RANBP17: variants seen among roughly 807,000 people sequenced by gnomAD.
RANBP17 encodes ran-binding protein 17.
In RANBP17, 158 loss-of-function variants were observed where a neutral mutation model predicts 141.2. The ratio of observed to expected loss-of-function variants is 1.12; its 90% CI spans 0.98 to 1.28. RANBP17 has a LOEUF of 1.28. Ranked by LOEUF, RANBP17 falls within the 50% of genes most tolerant of loss-of-function variation. The probability of loss-of-function intolerance (pLI) is 0.00; values close to 1 mark genes in which losing one functional copy is unlikely to be tolerated. For synonymous variants in RANBP17, 430 were observed against 450.0 expected (o/e 0.96, Z 0.56); for missense variants, 1,438 against 1,290.7 (o/e 1.11, Z -1.75).
chr5:171,114,007 G>A (rs1015237029), intron 14 of RANBP17, among the ~76,000 whole-genome samples: 1 of 151,934 alleles, frequency 6.6e-6, no homozygotes, highest in Non-Finnish European at 1.5e-5. Flanking sequence ...TCACAAAAAT[G>A]TATTATTTAT....
chr5:171,253,023 T>TTTCTTC (rs1561802960), intron 24 of RANBP17: 2 of 1,096,920 alleles, frequency 1.8e-6, no homozygotes, highest in Non-Finnish European at 2.8e-6. Flanking sequence ...TTCTGCCGCA[T>TTTCTTC]TTCTTCTCTG....
rs560061819 is a variant in RANBP17, at chr5:170,937,726, T to G, written c.1468+13176T>G. 2.6e-4 allele frequency among the ~76,000 whole-genome samples: 39 copies of G among 152,344 alleles called. 1 individual carries two copies. Among genetic ancestry groups the G allele is most frequent in the Admixed American group, 1.0e-3 (16 of 15,306 alleles). Reference sequence around the variant, plus strand: ...GTTGTAGTGCTGTTTTTGTTTTGACTGATGACACATGACAATCTTTTGTCA... The same window carrying G: ...GTTGTAGTGCTGTTTTTGTTTTGACGGATGACACATGACAATCTTTTGTCA... On this transcript the variant is annotated intron_variant, in intron 12 of 27. Coordinates refer to ENST00000523189, the MANE Select transcript of RANBP17 (RefSeq NM_022897.5).
intron 14 of RANBP17, among the ~76,000 whole-genome samples, chr5:171,025,504 A>G (rs1446852573): frequency 2.0e-5 from 3 of 150,254 alleles, no homozygotes; most frequent in African/African-American, 7.3e-5. Context: ...TGTTTTCTCT[A>G]GGCAGCCTTC....
rs148543415 is a variant in RANBP17, at chr5:171,170,173, A to G, written c.1754A>G (p.Asn585Ser). The G allele has an allele frequency of 1.9e-6, 3 of 1,585,262 alleles. No individual in the cohort carries two copies. In the African/African-American group the frequency reaches 4.1e-5, roughly 21 times the overall value. Residue 585 changes from asparagine to serine, a missense_variant, in exon 15 of 28, where the codon AAC becomes AGC. Asn to Ser is a conservative substitution (Grantham distance 46). Transcript: ENST00000523189. ...MSEVLGITDD[N>S]HVLETFMTKI... is the part of the protein sequence containing the mutation. Reference sequence around the variant, plus strand: ...GAAGTCTTAGGAATAACAGATGACAACCACGTTCTAGAGACGTTCATGACA... The same window carrying G: ...GAAGTCTTAGGAATAACAGATGACAGCCACGTTCTAGAGACGTTCATGACA...
chr5:170,909,991 T>C (rs1771403495), intron 6 of RANBP17: 1 of 334,284 alleles, frequency 3.0e-6, no homozygotes, highest in Non-Finnish European at 5.4e-6. Flanking sequence ...TAATAACTTA[T>C]CTTCAGGTAG....
chr5:171,260,491 A>G (rs1172439041), intron 24 of RANBP17, among the ~76,000 whole-genome samples: 4 of 151,392 alleles, frequency 2.6e-5, no homozygotes, highest in African/African-American at 9.7e-5. Flanking sequence ...GAGATAGATA[A>G]CAGAGACGAA....
intron 18 of RANBP17, among the ~76,000 whole-genome samples, chr5:171,186,597 T>G (rs376101654): frequency 7.8e-5 from 9 of 115,564 alleles, no homozygotes; most frequent in Non-Finnish European, 1.3e-4. Flanking sequence ...AGTGCAGTGG[T>G]GCGATCTCGG....
chr5:171,030,505 A>C (rs2127617375), intron 14 of RANBP17, among the ~76,000 whole-genome samples: 1 of 152,130 alleles, frequency 6.6e-6, no homozygotes, highest in African/African-American at 2.4e-5. Context: ...CTTGAACAGA[A>C]AAGCCATTTA....
chr5:170,869,359 A>G (rs76254265), intron 1 of RANBP17, among the ~76,000 whole-genome samples: 5,935 of 125,134 alleles, frequency 0.047, 256 homozygotes, highest in African/African-American at 0.12. Flanking sequence ...GAGTCTCGCT[A>G]TGTTTCCCAG....
intron 14 of RANBP17, among the ~76,000 whole-genome samples, chr5:170,981,925 C>T (rs150125468): frequency 2.6e-5 from 4 of 152,104 alleles, no homozygotes; most frequent in Non-Finnish European, 5.9e-5. Context: ...CGGGGTGTGG[C>T]TAAAAATAGG....
chr5:171,148,596 A>G (rs62392986), intron 14 of RANBP17, among the ~76,000 whole-genome samples: 7,558 of 150,776 alleles, frequency 0.05, 274 homozygotes, highest in Non-Finnish European at 0.074. Flanking sequence ...ATATATCTGT[A>G]TTGATATATA....
intron 24 of RANBP17, among the ~76,000 whole-genome samples, chr5:171,244,273 G>A (rs1283826795): frequency 1.3e-5 from 2 of 150,966 alleles, no homozygotes; most frequent in East Asian, 2.0e-4. Flanking sequence ...TGCGCCTGTA[G>A]TCCCAGCTAC....
At chr5:171,275,141 T>C (rs1581166783) in intron 25 of RANBP17, among the ~76,000 whole-genome samples, 1 of 152,154 alleles carries the variant, frequency 6.6e-6, no homozygotes, top group Non-Finnish European at 1.5e-5. Flanking sequence ...AGACACCATA[T>C]TGAGTGAGCC....
intron 8 of RANBP17, among the ~76,000 whole-genome samples, chr5:170,914,452 C>G (rs1215219407): frequency 6.6e-6 from 1 of 152,114 alleles, no homozygotes; most frequent in Non-Finnish European, 1.5e-5. Flanking sequence ...GAGCCTAGAA[C>G]CAGTAACTGT....
At chr5:171,218,986 T>C (rs994446825) in intron 21 of RANBP17, among the ~76,000 whole-genome samples, 1 of 152,220 alleles carries the variant, frequency 6.6e-6, no homozygotes, top group African/African-American at 2.4e-5. Flanking sequence ...AGTTTCTTCA[T>C]AGTGTCATTG....
At chr5:170,869,778 C>T (rs1233512575) in intron 1 of RANBP17, among the ~76,000 whole-genome samples, 1 of 152,034 alleles carries the variant, frequency 6.6e-6, no homozygotes, top group Non-Finnish European at 1.5e-5. Flanking sequence ...TGTGAAGACC[C>T]TATTTCCAAA....
chr5:170,998,589 A>G (rs1778994003), intron 14 of RANBP17, among the ~76,000 whole-genome samples: 1 of 152,136 alleles, frequency 6.6e-6, no homozygotes, highest in Non-Finnish European at 1.5e-5. Flanking sequence ...AAACAGTGTA[A>G]TAGTCTTGTT....
At chr5:171,198,762 A>T (rs1762127167) in intron 18 of RANBP17, among the ~76,000 whole-genome samples, 1 of 152,194 alleles carries the variant, frequency 6.6e-6, no homozygotes, top group Non-Finnish European at 1.5e-5. Context: ...TTAGAATAGA[A>T]ATTAGGAGGT....
chr5:170,949,822 G>A (rs546380541), intron 12 of RANBP17, among the ~76,000 whole-genome samples: 1 of 152,092 alleles, frequency 6.6e-6, no homozygotes, highest in Non-Finnish European at 1.5e-5. Flanking sequence ...AACAATCCAA[G>A]CTTCCATCAA....
Sources: gnomAD v4.1 joint callset for allele counts (sites outside exome capture counted in the v4.1 genomes callset) on GRCh38, gnomAD v4.1.1 for gene constraint, MANE v1.5 for transcripts, NCBI Gene and HGNC (gene_info 2026-07-23, HGNC 2026-07-21) for gene names.